The following LBH variants were observed in gnomAD, a reference collection of about 807,000 sequenced individuals.
LBH encodes LBH regulator of Wnt signaling pathway, also known as protein LBH.
A neutral mutation model predicts 12.5 loss-of-function variants in LBH; 7 were observed. The ratio of observed to expected loss-of-function variants is 0.56; its 90% confidence interval spans 0.32 to 1.05. The LOEUF is 1.05. LBH is among the 50% of genes least tolerant of loss of function. The probability of loss-of-function intolerance (pLI) is 0.04; values close to 1 mark genes in which losing one functional copy is unlikely to be tolerated. For missense variants in LBH, 119 were observed against 138.9 expected (o/e 0.86, Z 0.72); for synonymous variants, 51 against 50.1 (o/e 1.02, Z -0.08).
At chr2:30,236,043 T>A (rs72787710) in intron 2 of LBH, among the ~76,000 whole-genome samples, 3,145 of 152,316 alleles carry the variant, frequency 0.021, 52 homozygotes, top group South Asian at 0.074. Flanking sequence ...GGTAGCAGTT[T>A]CCAAGCCCCT....
intron 2 of LBH, among the ~76,000 whole-genome samples, chr2:30,256,960 T>A (rs1678096603): frequency 6.6e-6 from 1 of 152,170 alleles, no homozygotes; most frequent in Non-Finnish European, 1.5e-5. Context: ...ACTGTGTGGG[T>A]TGGAAGTGAT....
At chr2:30,251,240 G>T (rs1050886001) in intron 2 of LBH, among the ~76,000 whole-genome samples, 1 of 151,688 alleles carries the variant, frequency 6.6e-6, no homozygotes, top group East Asian at 1.9e-4. Context: ...CACCTTTCAA[G>T]TGCTCCATAG....
chr2:30,240,860 C>G (rs572283493), intron 2 of LBH, among the ~76,000 whole-genome samples: 124 of 152,338 alleles, frequency 8.1e-4, no homozygotes, highest in African/African-American at 2.9e-3. Flanking sequence ...CTTCTTGCCT[C>G]TCAGCCAGGA....
chr2:30,239,614 T>G (rs1677751526), intron 2 of LBH, among the ~76,000 whole-genome samples: 1 of 152,144 alleles, frequency 6.6e-6, no homozygotes, highest in African/African-American at 2.4e-5. Flanking sequence ...CGCGGACACA[T>G]GTTCCTGGGA....
chr2:30,232,233 CGGGGGGGTGGGGGGCGGGA>C, intron 1 of LBH: 32 of 1,151,900 alleles, frequency 2.8e-5, no homozygotes, highest in Non-Finnish European at 3.2e-5. Context: ...TGCAGAGCTC[CGGGGGGGTGGGGGGCGGGA>C]AACGCTCTCC....
At position 30,252,843 on chromosome 2, in the gene LBH, C is replaced by T. The variant is rs184800338; in HGVS notation, c.130-4590C>T. 6.6e-5 allele frequency among the ~76,000 whole-genome samples: 10 copies of T among 152,298 alleles called. No individual in the cohort carries two copies. The East Asian group carries it at 1.7e-3, about 26-fold the overall frequency. ...CTGGCAGAGGGAGGAAGGTGTAGGG[C>T]TGGGAGAATCACAGCTGGGGGTGGA... On this transcript the variant is annotated intron_variant, in intron 2 of 2. Transcript: ENST00000395323.
intron 1 of LBH, among the ~76,000 whole-genome samples, chr2:30,233,658 T>C (rs577698270): frequency 2.0e-5 from 3 of 152,250 alleles, no homozygotes; most frequent in Non-Finnish European, 4.4e-5. Flanking sequence ...CAAGGCACTT[T>C]CACATGTCAG....
chr2:30,257,789 C>CTTTTTTTT lies in LBH; in HGVS notation c.*168_*169insTTTTTTTT. ...GAGTTGGTTTTCTTTTCTTTTCTTGCCTTTTTTTTTTTTTGAAATTTGCCG... is the reference window on the plus strand; with the variant it reads ...GAGTTGGTTTTCTTTTCTTTTCTTGCTTTTTTTTCTTTTTTTTTTTTTGAAATTTGCCG... On this transcript the variant is annotated 3_prime_UTR_variant, in exon 3 of 3. Transcript: ENST00000395323. The CTTTTTTTT allele has an allele frequency of 2.3e-6, 1 of 439,350 alleles. No homozygotes were observed. The highest frequency in any genetic ancestry group is 3.8e-6 in the Non-Finnish European group (1 of 264,368). The allele number at this position is 439,350 out of a possible 1,614,324, so 27.2% of individuals were successfully genotyped here.
intron 2 of LBH, 150 bp downstream of exon 2, chr2:30,234,657 C>T: frequency 1.7e-6 from 1 of 602,222 alleles, no homozygotes; most frequent in Non-Finnish European, 3.0e-6. Context: ...TCAGTTTCTT[C>T]ATCTGTAAAA....
At chr2:30,236,135 C>T (rs992384731) in intron 2 of LBH, among the ~76,000 whole-genome samples, 3 of 152,216 alleles carry the variant, frequency 2.0e-5, no homozygotes, top group African/African-American at 7.2e-5. Flanking sequence ...AGAACCTTTC[C>T]AAATGCAGTC....
At chr2:30,254,189 C>T (rs1678039497) in intron 2 of LBH, among the ~76,000 whole-genome samples, 1 of 152,214 alleles carries the variant, frequency 6.6e-6, no homozygotes, top group South Asian at 2.1e-4. Flanking sequence ...TTATCCTATA[C>T]ATCCATACCT....
chr2:30,239,780 C>T (rs1381281151), intron 2 of LBH, among the ~76,000 whole-genome samples: 3 of 152,236 alleles, frequency 2.0e-5, no homozygotes, highest in Non-Finnish European at 4.4e-5. Context: ...CCCGTGTCTG[C>T]ACATTCTGCC....
At chr2:30,249,551 G>C (rs1420867971) in intron 2 of LBH, among the ~76,000 whole-genome samples, 2 of 152,218 alleles carry the variant, frequency 1.3e-5, no homozygotes, top group Non-Finnish European at 2.9e-5. Context: ...GGGCGGGGTA[G>C]TGACAAGGGC....
chr2:30,232,734 C>T (rs1331778573), intron 1 of LBH: 1 of 152,480 alleles, frequency 6.6e-6, no homozygotes, highest in Non-Finnish European at 1.5e-5. Context: ...GGGCCGGCGC[C>T]ACAGCCCCGA....
chr2:30,240,318 T>A (rs1460256114), intron 2 of LBH, among the ~76,000 whole-genome samples: 4 of 152,318 alleles, frequency 2.6e-5, no homozygotes. Context: ...AGGATGGTAC[T>A]GTTAGGGAAA....
chr2:30,232,043 A>C lies in LBH; in HGVS notation c.26+279A>C. 4 of 1,377,810 alleles carry C rather than the reference A, an allele frequency of 2.9e-6. No homozygotes were observed. In the South Asian group the frequency reaches 5.8e-5, roughly 20 times the overall value. 85.3% of individuals were successfully genotyped at this position (1,377,810 alleles called of 1,614,324 possible). A position where few individuals can be genotyped will look rare whatever the true frequency, so the allele number is the denominator to read the frequency against. ...TTGGTTGGCGGGGGAGCCAGGGGTC[A>C]CGTGTGAATCCCCCCCAATGAAACC... On this transcript the variant is annotated intron_variant, in intron 1 of 2. Transcript: ENST00000395323.
intron 1 of LBH, 82 bp downstream of exon 1, chr2:30,231,846 G>A (rs1335794297): frequency 5.3e-6 from 7 of 1,308,862 alleles, no homozygotes; most frequent in Non-Finnish European, 5.1e-6. Context: ...CCGGCTCCGG[G>A]TGCGAGGGCA....
chr2:30,234,245 G>A (rs565141079), intron 1 of LBH, 160 bp from the exon 2 acceptor site: 31 of 610,012 alleles, frequency 5.1e-5, no homozygotes, highest in African/African-American at 4.1e-4. Flanking sequence ...CTTGCAAGGC[G>A]CTTCCTCAGG....
chr2:30,250,686 G>T (rs1255738934), intron 2 of LBH, among the ~76,000 whole-genome samples: 2 of 151,956 alleles, frequency 1.3e-5, no homozygotes, highest in African/African-American at 4.8e-5. Context: ...CCCTGGTGTT[G>T]CCTTTCAGTT....
Sources: gnomAD v4.1 joint callset for allele counts (sites outside exome capture counted in the v4.1 genomes callset) on GRCh38, gnomAD v4.1.1 for gene constraint, MANE v1.5 for transcripts, NCBI Gene and HGNC (gene_info 2026-07-23, HGNC 2026-07-21) for gene names.